CWC27: variants seen among roughly 807,000 people sequenced by gnomAD.
The protein encoded by CWC27 is spliceosome-associated protein CWC27 homolog.
Under a neutral mutation model 63.6 loss-of-function variants are expected in CWC27, and 47 were observed. The ratio of observed to expected loss-of-function variants is 0.74; its 90% confidence interval spans 0.58 to 0.94. The LOEUF is 0.94. CWC27 is among the 40% of genes least tolerant of loss of function. The pLI, the probability that CWC27 is intolerant of heterozygous loss-of-function variation, is 0.00. For missense variants in CWC27, 495 were observed against 554.3 expected (o/e 0.89, Z 1.07); for synonymous variants, 175 against 179.8 (o/e 0.97, Z 0.22).
intron 10 of CWC27, among the ~76,000 whole-genome samples, chr5:64,864,274 G>A (rs1228939083): frequency 6.6e-6 from 1 of 151,818 alleles, no homozygotes; most frequent in African/African-American, 2.4e-5. Context: ...TCTCAACTTC[G>A]GCCTCTTTTA....
At chr5:65,011,499 G>A (rs1749956249) in intron 13 of CWC27, among the ~76,000 whole-genome samples, 1 of 152,164 alleles carries the variant, frequency 6.6e-6, no homozygotes, top group African/African-American at 2.4e-5. Flanking sequence ...GAGAGTGCAG[G>A]CGTTTGTTCA....
At chr5:64,908,278 A>G (rs1747705506) in intron 11 of CWC27, among the ~76,000 whole-genome samples, 1 of 152,122 alleles carries the variant, frequency 6.6e-6, no homozygotes, top group Non-Finnish European at 1.5e-5. Flanking sequence ...GTTCTTTTAC[A>G]TTTGCTGAGG....
chr5:64,802,130 G>T (rs1744510111), intron 9 of CWC27, among the ~76,000 whole-genome samples: 1 of 152,150 alleles, frequency 6.6e-6, no homozygotes, highest in African/African-American at 2.4e-5. Context: ...AGGGGGTGAG[G>T]TCCCTCTAGC....
intron 10 of CWC27, among the ~76,000 whole-genome samples, chr5:64,837,275 G>C (rs1396463825): frequency 6.6e-6 from 1 of 152,104 alleles, no homozygotes; most frequent in East Asian, 1.9e-4. Flanking sequence ...AACACCTTTG[G>C]TGTAAAATGG....
At chr5:64,875,342 A>G (rs1746770963) in intron 10 of CWC27, among the ~76,000 whole-genome samples, 1 of 152,168 alleles carries the variant, frequency 6.6e-6, no homozygotes. Flanking sequence ...ATTTAAAGAT[A>G]TGGATATAGT....
chr5:64,975,675 C>T (rs1012803740), intron 12 of CWC27, among the ~76,000 whole-genome samples: 3 of 152,036 alleles, frequency 2.0e-5, no homozygotes, highest in Admixed American at 1.3e-4. Context: ...CCTACACACA[C>T]ACACTTTTAA....
At chr5:64,781,809 G>A in intron 2 of CWC27, 112 bp from the exon 3 acceptor site, 1 of 492,782 alleles carries the variant, frequency 2.0e-6, no homozygotes, top group Non-Finnish European at 3.6e-6. Context: ...TGGCTGGGGA[G>A]CGTATTTAAC....
chr5:64,794,064 A>T (rs915918394), intron 7 of CWC27, among the ~76,000 whole-genome samples: 1 of 152,240 alleles, frequency 6.6e-6, no homozygotes. Flanking sequence ...TATAGCTCAA[A>T]GGGATTTTGT....
intron 7 of CWC27, among the ~76,000 whole-genome samples, chr5:64,795,548 G>C (rs978706879): frequency 6.6e-6 from 1 of 152,060 alleles, no homozygotes; most frequent in African/African-American, 2.4e-5. Context: ...AACCTCTAGA[G>C]ACTGCCTGTA....
chr5:64,860,585 T>G (rs573164642), intron 10 of CWC27, among the ~76,000 whole-genome samples: 26 of 152,332 alleles, frequency 1.7e-4, no homozygotes, highest in African/African-American at 6.3e-4. Flanking sequence ...TCAACATAAG[T>G]AACTCATTAG....
At chr5:64,858,137 CAAAAAAAAAAAAAAA>C (rs529762534) in intron 10 of CWC27, among the ~76,000 whole-genome samples, 1 of 23,086 alleles carries the variant, frequency 4.3e-5, no homozygotes, top group Non-Finnish European at 7.0e-5. Flanking sequence ...GACTCCGTCT[CAAAAAAAAAAAAAAA>C]AAAAAAAAAA....
intron 12 of CWC27, among the ~76,000 whole-genome samples, chr5:64,975,047 A>G (rs1283017718): frequency 2.0e-5 from 3 of 152,218 alleles, no homozygotes; most frequent in Non-Finnish European, 2.9e-5. Context: ...ATGACATTCT[A>G]TAGGAACTTA....
chr5:64,982,868 G>A (rs964798253), intron 13 of CWC27, among the ~76,000 whole-genome samples: 2 of 152,196 alleles, frequency 1.3e-5, no homozygotes, highest in Admixed American at 6.5e-5. Context: ...CAGGCAGTAA[G>A]CAGCAGGCAA....
intron 12 of CWC27, among the ~76,000 whole-genome samples, chr5:64,973,528 C>G (rs969359247): frequency 6.6e-6 from 1 of 152,232 alleles, no homozygotes; most frequent in African/African-American, 2.4e-5. Context: ...AAAGCCATAA[C>G]TGAATAATTC....
chr5:64,958,640 GA>G (rs1748846644), intron 11 of CWC27, among the ~76,000 whole-genome samples: 4 of 152,178 alleles, frequency 2.6e-5, no homozygotes, highest in Admixed American at 1.3e-4. Context: ...TTTTAAAACA[GA>G]ATCCAATCTG....
intron 11 of CWC27, among the ~76,000 whole-genome samples, chr5:64,915,333 G>A (rs1747869444): frequency 6.6e-6 from 1 of 152,132 alleles, no homozygotes; most frequent in Non-Finnish European, 1.5e-5. Flanking sequence ...TAATGTTTGT[G>A]ATTATCCCGT....
At chr5:64,976,933 C>G (rs1749237660) in intron 12 of CWC27, among the ~76,000 whole-genome samples, 1 of 152,160 alleles carries the variant, frequency 6.6e-6, no homozygotes, top group Non-Finnish European at 1.5e-5. Context: ...GGGGAAATGT[C>G]AGTGCAAATC....
At chr5:64,905,264 T>G (rs1210317864) in intron 11 of CWC27, among the ~76,000 whole-genome samples, 1 of 150,230 alleles carries the variant, frequency 6.7e-6, no homozygotes, top group African/African-American at 2.5e-5. Context: ...TGGCCAGGCT[T>G]CATGATTACT....
intron 2 of CWC27, among the ~76,000 whole-genome samples, chr5:64,776,121 G>A (rs1315588127): frequency 3.4e-5 from 4 of 116,100 alleles, no homozygotes; most frequent in African/African-American, 1.3e-4. Flanking sequence ...GAGAGAGAGA[G>A]AATGAAAGGA....
Sources: allele counts gnomAD v4.1 joint callset (sites outside exome capture counted in the v4.1 genomes callset), GRCh38; gene constraint gnomAD v4.1.1; transcripts MANE v1.5; gene names NCBI Gene and HGNC (gene_info 2026-07-23, HGNC 2026-07-21).